CDH13: variants seen among roughly 807,000 people sequenced by gnomAD.
CDH13 encodes the protein cadherin-13.
CDH13 carries 24 observed loss-of-function variants against 63.8 expected under a neutral mutation model. That is an observed-to-expected ratio of 0.38 (90% CI 0.27 to 0.53). The LOEUF (loss-of-function observed/expected upper bound fraction) is 0.53, where lower values mean the gene tolerates loss of function less well. Among genes scored for constraint, CDH13 ranks in the 20% least tolerant of loss-of-function variants. CDH13 has a pLI of 0.85. For missense variants in CDH13, 1,049 were observed against 903.1 expected (o/e 1.16, Z -2.07); for synonymous variants, 503 against 355.3 (o/e 1.42, Z -4.67).
chr16:83,106,880 C>G (rs1027090571), intron 3 of CDH13, among the ~76,000 whole-genome samples: 7 of 152,036 alleles, frequency 4.6e-5, no homozygotes, highest in Admixed American at 2.0e-4. Flanking sequence ...TCTGATGAAC[C>G]TATTCTATGT....
In CDH13 at chr16:82,767,956, C is replaced by G. The variant is rs183263396; in HGVS notation, c.46-90406C>G. Among the ~76,000 whole-genome samples, 380 of 152,196 alleles carry G rather than the reference C, an allele frequency of 2.5e-3. 1 individual carries two copies. Among genetic ancestry groups the G allele is most frequent in the Middle Eastern group, 3.4e-3 (1 of 294 alleles). On this transcript the variant is annotated intron_variant, in intron 1 of 13. Transcript: ENST00000567109. Reference sequence around the variant, plus strand: ...ATCTAGAGTGACCATTGCAAGGCCTCAAAGAGAAACGAAGAGTGAGGAGTG... The same window carrying G: ...ATCTAGAGTGACCATTGCAAGGCCTGAAAGAGAAACGAAGAGTGAGGAGTG...
intron 1 of CDH13, among the ~76,000 whole-genome samples, chr16:82,736,242 G>C (rs950334426): frequency 6.6e-6 from 1 of 152,162 alleles, no homozygotes; most frequent in Non-Finnish European, 1.5e-5. Context: ...GGGCACCTGG[G>C]TGGGTGGATG....
chr16:83,155,876 C>A (rs1181814758), intron 4 of CDH13, among the ~76,000 whole-genome samples: 2 of 152,216 alleles, frequency 1.3e-5, no homozygotes, highest in African/African-American at 4.8e-5. Context: ...ATCACTTGAG[C>A]TTCCAAAAGC....
rs1597255122 is a variant in CDH13 at position 82,940,023 on chromosome 16, T to C, written c.157+81550T>C. Among the ~76,000 whole-genome samples the C allele has an allele frequency of 4.0e-5, 6 of 151,802 alleles. No individual in the cohort carries two copies. In the South Asian group the frequency reaches 1.3e-3, roughly 32 times the overall value. ...GAGAATGAGAACCAAATGAAAGGGG[T>C]TTCCCCTTATAAAACCATCAGATTT... On this transcript the variant is annotated intron_variant, in intron 2 of 13. Transcript: ENST00000567109.
intron 7 of CDH13, among the ~76,000 whole-genome samples, chr16:83,569,313 A>G (rs9932865): frequency 0.24 from 35,911 of 151,952 alleles, 4,220 homozygotes; most frequent in Admixed American, 0.28. Context: ...CCATGTTGGC[A>G]TGTACAGTAC....
chr16:82,631,081 G>C (rs1022831839), intron 1 of CDH13, among the ~76,000 whole-genome samples: 1 of 152,110 alleles, frequency 6.6e-6, no homozygotes, highest in Admixed American at 6.5e-5. Context: ...TCTCTTTCTT[G>C]CTTTCCTTCT....
intron 3 of CDH13, among the ~76,000 whole-genome samples, chr16:83,117,225 C>T (rs761071210): frequency 7.2e-5 from 11 of 152,222 alleles, no homozygotes; most frequent in Middle Eastern, 3.2e-3. Flanking sequence ...GCCTACGTGC[C>T]TCTCCAGGGT....
At chr16:83,337,330 TC>T (rs1432201673) in intron 5 of CDH13, among the ~76,000 whole-genome samples, 1 of 152,176 alleles carries the variant, frequency 6.6e-6, no homozygotes, top group Non-Finnish European at 1.5e-5. Flanking sequence ...GAAACTGCTC[TC>T]CAACTTAGCT....
intron 3 of CDH13, among the ~76,000 whole-genome samples, chr16:83,117,181 C>G (rs1454808389): frequency 6.6e-6 from 1 of 152,220 alleles, no homozygotes; most frequent in African/African-American, 2.4e-5. Context: ...GGGCTCACTC[C>G]TCATGCGGAG....
chr16:83,130,506 G>C (rs1411098653), intron 4 of CDH13, among the ~76,000 whole-genome samples: 1 of 152,152 alleles, frequency 6.6e-6, no homozygotes, highest in South Asian at 2.1e-4. Flanking sequence ...TCAAAAATAA[G>C]GTGGACAGAG....
intron 3 of CDH13, among the ~76,000 whole-genome samples, chr16:83,052,776 CAAAAAAAAAA>C (rs71148805): frequency 9.7e-5 from 9 of 92,876 alleles, no homozygotes; most frequent in East Asian, 2.8e-4. Context: ...GACTTTATCT[CAAAAAAAAAA>C]AAAAAAAAAA....
intron 1 of CDH13, among the ~76,000 whole-genome samples, chr16:82,843,833 C>G (rs1310735101): frequency 1.3e-5 from 2 of 152,180 alleles, no homozygotes; most frequent in African/African-American, 4.8e-5. Context: ...AGTTCATAGT[C>G]TAATTGTTCA....
At chr16:83,027,362 C>G (rs1915913738) in intron 2 of CDH13, among the ~76,000 whole-genome samples, 1 of 152,072 alleles carries the variant, frequency 6.6e-6, no homozygotes, top group Admixed American at 6.6e-5. Context: ...TTCTGGAACA[C>G]AAAGAGAATG....
chr16:83,182,306 A>C (rs1013909267), intron 4 of CDH13, among the ~76,000 whole-genome samples: 2 of 152,222 alleles, frequency 1.3e-5, no homozygotes, highest in African/African-American at 4.8e-5. Context: ...GTCTCCAGCT[A>C]AGGCCATAAA....
chr16:83,237,975 G>C (rs932234622), intron 5 of CDH13, among the ~76,000 whole-genome samples: 1 of 152,180 alleles, frequency 6.6e-6, no homozygotes, highest in Non-Finnish European at 1.5e-5. Context: ...AGAAGGCAGA[G>C]GGCTAGGAAT....
chr16:83,375,830 T>A (rs917074829), intron 6 of CDH13, among the ~76,000 whole-genome samples: 1 of 151,778 alleles, frequency 6.6e-6, no homozygotes, highest in African/African-American at 2.4e-5. Context: ...GGAATACAGG[T>A]AGAGGAGATG....
At chr16:83,059,635 C>A (rs913389361) in intron 3 of CDH13, among the ~76,000 whole-genome samples, 16 of 152,098 alleles carry the variant, frequency 1.1e-4, no homozygotes, top group African/African-American at 3.9e-4. Flanking sequence ...CATGACAAGT[C>A]AGTCAGGAGA....
chr16:82,952,245 C>T (rs908185048), intron 2 of CDH13, among the ~76,000 whole-genome samples: 2 of 152,190 alleles, frequency 1.3e-5, no homozygotes, highest in African/African-American at 4.8e-5. Context: ...GCCACTTCTA[C>T]CTGTCATGTA....
chr16:83,434,273 T>A (rs1315618385), intron 6 of CDH13, among the ~76,000 whole-genome samples: 3 of 152,162 alleles, frequency 2.0e-5, no homozygotes, highest in Admixed American at 6.5e-5. Flanking sequence ...TCATAGGGCT[T>A]GGAATTTTGA....
Sources: gnomAD v4.1 joint callset for allele counts (sites outside exome capture counted in the v4.1 genomes callset) on GRCh38, gnomAD v4.1.1 for gene constraint, MANE v1.5 for transcripts, NCBI Gene and HGNC (gene_info 2026-07-23, HGNC 2026-07-21) for gene names.